The following HCRTR2 variants were observed in gnomAD, a reference collection of about 807,000 sequenced individuals.
HCRTR2 encodes hypocretin receptor 2.
HCRTR2 carries 22 observed loss-of-function variants against 49.0 expected under a neutral mutation model. The observed-to-expected ratio is 0.45, with a 90% CI of 0.32 to 0.64. HCRTR2 has a LOEUF of 0.64. Ranked by LOEUF, HCRTR2 falls within the 30% of genes least tolerant of loss-of-function variation. HCRTR2 has a pLI of 0.04. For missense variants in HCRTR2, 491 were observed against 559.4 expected, an observed-to-expected ratio of 0.88 and a Z score of 1.23; for synonymous variants, 236 against 205.3, an observed-to-expected ratio of 1.15 and a Z score of -1.28.
intron 1 of HCRTR2, among the ~76,000 whole-genome samples, chr6:55,148,120 T>G (rs1764618902): frequency 6.6e-6 from 1 of 152,218 alleles, no homozygotes; most frequent in Non-Finnish European, 1.5e-5. Flanking sequence ...TTATAGTACC[T>G]TTATATAAAT....
intron 1 of HCRTR2, among the ~76,000 whole-genome samples, chr6:55,150,825 T>C (rs953848429): frequency 6.6e-6 from 1 of 152,066 alleles, no homozygotes. Context: ...TTTGAAATTC[T>C]GATTTCAATT....
chr6:55,226,291 A>G (rs1056195204), intron 1 of HCRTR2, among the ~76,000 whole-genome samples: 6 of 152,140 alleles, frequency 3.9e-5, no homozygotes, highest in African/African-American at 1.4e-4. Context: ...GTTCAGGATG[A>G]AGTCTGAAAA....
At chr6:55,133,955 AT>A (rs1422757426) in intron 1 of HCRTR2, among the ~76,000 whole-genome samples, 1 of 151,894 alleles carries the variant, frequency 6.6e-6, no homozygotes, top group African/African-American at 2.4e-5. Flanking sequence ...AAGTGAGAAT[AT>A]TTATCATTTA....
chr6:55,183,099 A>G (rs1765160712), intron 1 of HCRTR2, among the ~76,000 whole-genome samples: 1 of 152,248 alleles, frequency 6.6e-6, no homozygotes, highest in African/African-American at 2.4e-5. Context: ...TACAAAGGTA[A>G]TAGAATCCAA....
At chr6:55,160,724 A>G (rs1418789115) in intron 1 of HCRTR2, among the ~76,000 whole-genome samples, 1 of 152,234 alleles carries the variant, frequency 6.6e-6, no homozygotes, top group Non-Finnish European at 1.5e-5. Context: ...AACAAAGATC[A>G]AAAGAGACAA....
chr6:55,190,107 A>G (rs772376073), intron 1 of HCRTR2, among the ~76,000 whole-genome samples: 24 of 151,890 alleles, frequency 1.6e-4, no homozygotes, highest in Non-Finnish European at 5.9e-5. Context: ...GGAGTAATTA[A>G]AAGCATACAA....
At chr6:55,180,858 G>T (rs867598738) in intron 1 of HCRTR2, among the ~76,000 whole-genome samples, 5 of 151,452 alleles carry the variant, frequency 3.3e-5, no homozygotes, top group Middle Eastern at 3.4e-3. Context: ...GGGGTGCAGT[G>T]GCACAATCTC....
In HCRTR2 at chr6:55,166,059, C is replaced by T. The variant is rs529046181; in HGVS notation, c.-377-8152C>T. 6.6e-5 allele frequency among the ~76,000 whole-genome samples: 10 copies of T among 151,844 alleles called. No individual in the cohort carries two copies. In the East Asian group the frequency reaches 2.0e-3, roughly 30 times the overall value. ...AGAGATGTTGCATTTTGTCAAATGC[C>T]TTTTCTGTGTCTTTTGAGATGATCA... On this transcript the variant is annotated intron_variant, in intron 1 of 7. Transcript: ENST00000615358.
intron 1 of HCRTR2, among the ~76,000 whole-genome samples, chr6:55,110,990 A>G (rs1238721373): frequency 2.6e-5 from 4 of 152,114 alleles, no homozygotes; most frequent in Admixed American, 6.6e-5. Context: ...ACAAGTTTCA[A>G]CAAATTTAAG....
intron 1 of HCRTR2, among the ~76,000 whole-genome samples, chr6:55,149,663 A>T (rs566164444): frequency 6.6e-6 from 1 of 152,138 alleles, no homozygotes; most frequent in South Asian, 2.1e-4. Flanking sequence ...TGAAACCAAC[A>T]CCTTGACCAT....
At chr6:55,273,403 A>G (rs1487513573) in intron 4 of HCRTR2, among the ~76,000 whole-genome samples, 1 of 152,126 alleles carries the variant, frequency 6.6e-6, no homozygotes, top group African/African-American at 2.4e-5. Context: ...GGCATTTGCT[A>G]TGCATTAAAA....
intron 1 of HCRTR2, among the ~76,000 whole-genome samples, chr6:55,215,545 G>T (rs1203033458): frequency 6.6e-6 from 1 of 152,094 alleles, no homozygotes; most frequent in African/African-American, 2.4e-5. Flanking sequence ...TATTATAATG[G>T]TGGTGGGTAA....
intron 1 of HCRTR2, among the ~76,000 whole-genome samples, chr6:55,248,352 GAATC>G (rs1431669031): frequency 1.9e-4 from 29 of 151,984 alleles, no homozygotes; most frequent in Admixed American, 1.9e-3. Context: ...ATAGAAAGAT[GAATC>G]AAAGACCATT....
chr6:55,181,433 C>A (rs1219578323), intron 1 of HCRTR2, among the ~76,000 whole-genome samples: 1 of 152,022 alleles, frequency 6.6e-6, no homozygotes, highest in African/African-American at 2.4e-5. Flanking sequence ...AAACAAATTG[C>A]TCAAAATAAA....
At chr6:55,151,386 G>C (rs532482594) in intron 1 of HCRTR2, among the ~76,000 whole-genome samples, 10 of 151,874 alleles carry the variant, frequency 6.6e-5, no homozygotes, top group African/African-American at 4.8e-5. Flanking sequence ...TCATTTCAAC[G>C]GTGTTCACAG....
chr6:55,214,185 T>C (rs1159567396), intron 1 of HCRTR2, among the ~76,000 whole-genome samples: 3 of 152,080 alleles, frequency 2.0e-5, no homozygotes, highest in East Asian at 1.9e-4. Flanking sequence ...TTCATTCTAA[T>C]TGAGAATTTA....
chr6:55,212,892 A>T (rs1223403689), intron 1 of HCRTR2, among the ~76,000 whole-genome samples: 1 of 152,216 alleles, frequency 6.6e-6, no homozygotes, highest in African/African-American at 2.4e-5. Context: ...CTATGTAGAC[A>T]TCTCAAACAA....
At chr6:55,113,738 G>C (rs962241281) in intron 1 of HCRTR2, among the ~76,000 whole-genome samples, 9 of 152,060 alleles carry the variant, frequency 5.9e-5, no homozygotes, top group Non-Finnish European at 1.2e-4. Flanking sequence ...ACAGTGCAGA[G>C]ACTCCTTAAA....
At chr6:55,176,445 G>T (rs1485750149) in intron 1 of HCRTR2, among the ~76,000 whole-genome samples, 1 of 152,002 alleles carries the variant, frequency 6.6e-6, no homozygotes, top group Non-Finnish European at 1.5e-5. Flanking sequence ...CCCATCCTTA[G>T]GATTACATCT....
Sources: allele counts gnomAD v4.1 joint callset (sites outside exome capture counted in the v4.1 genomes callset), GRCh38; gene constraint gnomAD v4.1.1; transcripts MANE v1.5; gene names NCBI Gene and HGNC (gene_info 2026-07-23, HGNC 2026-07-21).